The following KCNAB1 variants were observed in gnomAD, a reference collection of about 807,000 sequenced individuals.
The protein encoded by KCNAB1 is voltage-gated potassium channel subunit beta-1.
In KCNAB1, 35 loss-of-function variants were observed where a neutral mutation model predicts 64.6. The observed-to-expected ratio is 0.54, with a 90% CI of 0.41 to 0.72. The LOEUF is 0.72. Ranked by LOEUF, KCNAB1 falls within the 30% of genes least tolerant of loss-of-function variation. KCNAB1 has a pLI of 0.00. For synonymous variants in KCNAB1, 177 were observed against 183.8 expected, an observed-to-expected ratio of 0.96 and a Z score of 0.30; for missense variants, 401 against 512.9, an observed-to-expected ratio of 0.78 and a Z score of 2.11.
At chr3:156,284,891 G>A (rs1377721415) in intron 1 of KCNAB1, among the ~76,000 whole-genome samples, 2 of 152,138 alleles carry the variant, frequency 1.3e-5, no homozygotes, top group African/African-American at 4.8e-5. Flanking sequence ...AGATGAACCC[G>A]GTACCTCAGA....
Position 156,410,977 on chromosome 3 carries a change from G to A in KCNAB1, c.276-10639G>A, listed in dbSNP as rs926741096. Among the ~76,000 whole-genome samples the A allele has an allele frequency of 3.9e-5, 6 of 152,140 alleles. No homozygotes were observed. In the East Asian group the frequency reaches 7.7e-4, roughly 20 times the overall value. ...GTAAATACTTAGGAATGAAATAGCCGAGTCACATGGTATAGATTGTTGAAC... is the reference window on the plus strand; with the variant it reads ...GTAAATACTTAGGAATGAAATAGCCAAGTCACATGGTATAGATTGTTGAAC... On this transcript the variant is annotated intron_variant, in intron 1 of 13. Coordinates refer to ENST00000490337, the MANE Select transcript of KCNAB1 (RefSeq NM_172160.3).
chr3:156,143,470 A>T (rs1714832076), intron 1 of KCNAB1: 1 of 1,266,712 alleles, frequency 7.9e-7, no homozygotes. Context: ...CTGATGTCAA[A>T]GGTTGTTATT....
rs1354200347 is a variant in KCNAB1, at chr3:156,287,594, G to A, written c.276-134022G>A. ...CACCTATAATCCCCGTACTGTGGGA[G>A]GCCGAGGTGGGCAGATCAGGTCAGG... On this transcript the variant is annotated intron_variant, in intron 1 of 13. Transcript: ENST00000490337. 2.0e-5 allele frequency among the ~76,000 whole-genome samples: 3 copies of A among 152,192 alleles called. No homozygotes were observed. The East Asian group carries it at 5.8e-4, about 29-fold the overall frequency.
intron 2 of KCNAB1, among the ~76,000 whole-genome samples, chr3:156,442,971 G>A (rs6790406): frequency 0.66 from 100,529 of 151,556 alleles, 33,649 homozygotes; most frequent in East Asian, 0.76. Flanking sequence ...GCCGAGGAGA[G>A]TGAAGGCAAA....
At chr3:156,207,739 G>A (rs1471397070) in intron 1 of KCNAB1, among the ~76,000 whole-genome samples, 3 of 152,130 alleles carry the variant, frequency 2.0e-5, no homozygotes, top group African/African-American at 7.2e-5. Flanking sequence ...TTCCTTGGTT[G>A]TATTCAAGCA....
rs1230911727 is a variant in KCNAB1, at chr3:156,508,315, G to A, written c.659-6049G>A. On this transcript the variant is annotated intron_variant, in intron 8 of 13. Transcript: ENST00000490337. This position sits in a 1 kb window ranked among gnomAD's most constrained non-coding sequence, Gnocchi z 4.1. Reference sequence around the variant, plus strand: ...TGATCAAAACATTAATTTCTAATAAGCATATTTTTATCTTTACCCCTATGG... The same window carrying A: ...TGATCAAAACATTAATTTCTAATAAACATATTTTTATCTTTACCCCTATGG... Among the ~76,000 whole-genome samples, 1 of 151,820 alleles carries A rather than the reference G, an allele frequency of 6.6e-6. No homozygotes were observed. Among genetic ancestry groups the A allele is most frequent in the Non-Finnish European group, 1.5e-5 (1 of 67,964 alleles).
intron 1 of KCNAB1, among the ~76,000 whole-genome samples, chr3:156,151,771 A>C (rs1267454087): frequency 6.6e-6 from 1 of 151,740 alleles, no homozygotes; most frequent in Non-Finnish European, 1.5e-5. Flanking sequence ...TTACATAAAT[A>C]TGATATTTTA....
intron 1 of KCNAB1, among the ~76,000 whole-genome samples, chr3:156,335,280 C>T (rs917852396): frequency 1.3e-5 from 2 of 152,236 alleles, no homozygotes; most frequent in East Asian, 1.9e-4. Flanking sequence ...CAGCTTCCTC[C>T]TCCTGTGTGT....
chr3:156,426,027 A>G (rs1341582266), intron 2 of KCNAB1, among the ~76,000 whole-genome samples: 1 of 152,202 alleles, frequency 6.6e-6, no homozygotes, highest in Admixed American at 6.5e-5. Context: ...GGTCACATGT[A>G]TAGAATATTA....
chr3:156,319,477 A>G (rs900596012), intron 1 of KCNAB1, among the ~76,000 whole-genome samples: 2 of 152,058 alleles, frequency 1.3e-5, no homozygotes, highest in Non-Finnish European at 2.9e-5. Context: ...ACTTCTATTC[A>G]TTTATTTTTG....
intron 1 of KCNAB1, among the ~76,000 whole-genome samples, chr3:156,263,679 C>T (rs750058904): frequency 1.4e-4 from 21 of 152,054 alleles, no homozygotes; most frequent in Non-Finnish European, 1.9e-4. Context: ...GCTCATATCA[C>T]TTATATAAAT....
chr3:156,421,925 C>G (rs1401715469), intron 2 of KCNAB1, among the ~76,000 whole-genome samples: 1 of 152,114 alleles, frequency 6.6e-6, no homozygotes, highest in Non-Finnish European at 1.5e-5. Context: ...GGGACTCATG[C>G]GTCACTCCCA....
chr3:156,273,662 T>A (rs115906877), intron 1 of KCNAB1: 7,607 of 455,484 alleles, frequency 0.017, 125 homozygotes, highest in Non-Finnish European at 0.02. Flanking sequence ...TTCAGCGATA[T>A]GAAGTTAAAA....
At chr3:156,192,693 C>T (rs1219619069) in intron 1 of KCNAB1, among the ~76,000 whole-genome samples, 5 of 152,056 alleles carry the variant, frequency 3.3e-5, no homozygotes, top group South Asian at 2.1e-4. Flanking sequence ...TATTTAGGTT[C>T]GTTATGTCTT....
At chr3:156,163,771 T>A (rs1448328300) in intron 1 of KCNAB1, among the ~76,000 whole-genome samples, 2 of 152,246 alleles carry the variant, frequency 1.3e-5, no homozygotes, top group African/African-American at 4.8e-5. Context: ...TAAACACAGA[T>A]GAAGAAGCAC....
intron 1 of KCNAB1, among the ~76,000 whole-genome samples, chr3:156,186,012 A>G (rs1165542860): frequency 6.6e-6 from 1 of 152,182 alleles, no homozygotes; most frequent in Non-Finnish European, 1.5e-5. Flanking sequence ...AGTTTGGGAA[A>G]TCTAAATATT....
chr3:156,538,559 GATTT>G lies in KCNAB1; in HGVS notation c.*1817_*1820del, dbSNP rs1277561772. Reference sequence around the variant, plus strand: ...GTCTAATGGGAAATGTGATTTGATTGATTTATTTGCTTAGAGTAATAAAAGCATT... The same window carrying G: ...GTCTAATGGGAAATGTGATTTGATTGATTTGCTTAGAGTAATAAAAGCATT... On this transcript the variant is annotated 3_prime_UTR_variant, in exon 14 of 14. Transcript: ENST00000490337. 2.7e-5 allele frequency: 4 copies of G among 149,936 alleles called. No individual in the cohort carries two copies. Among genetic ancestry groups the G allele is most frequent in the East Asian group, 3.9e-4 (2 of 5,192 alleles). 9.3% of individuals were successfully genotyped at this position (149,936 alleles called of 1,614,324 possible). A position where few individuals can be genotyped will look rare whatever the true frequency, so the allele number is the denominator to read the frequency against.
chr3:156,531,100 A>T (rs1370898032), intron 12 of KCNAB1, among the ~76,000 whole-genome samples: 1 of 152,212 alleles, frequency 6.6e-6, no homozygotes, highest in East Asian at 1.9e-4. Context: ...CAAGAAAGAC[A>T]GCAGTGCATC....
At chr3:156,350,384 A>T (rs2108083055) in intron 1 of KCNAB1, among the ~76,000 whole-genome samples, 1 of 152,266 alleles carries the variant, frequency 6.6e-6, no homozygotes, top group Middle Eastern at 3.4e-3. Flanking sequence ...CCCCATCTCT[A>T]CAAAAAATAA....
Sources: allele counts gnomAD v4.1 joint callset (sites outside exome capture counted in the v4.1 genomes callset), GRCh38; gene constraint gnomAD v4.1.1; non-coding constraint Gnocchi (gnomAD v3.1); transcripts MANE v1.5; gene names NCBI Gene and HGNC (gene_info 2026-07-23, HGNC 2026-07-21).